The following ADRA1A variants were observed in gnomAD, a reference collection of about 807,000 sequenced individuals.
ADRA1A encodes adrenoceptor alpha 1A, also known as alpha-1A adrenergic receptor.
In ADRA1A, 31 loss-of-function variants were observed where a neutral mutation model predicts 29.6. The observed-to-expected ratio is 1.05, with a 90% CI of 0.79 to 1.41. The LOEUF is 1.41. Among genes scored for constraint, ADRA1A ranks in the 40% most tolerant of loss-of-function variants. ADRA1A has a pLI of 0.00. For missense variants in ADRA1A, 619 were observed against 601.1 expected (o/e 1.03, Z -0.31); for synonymous variants, 311 against 254.3 (o/e 1.22, Z -2.12).
intron 2 of ADRA1A, among the ~76,000 whole-genome samples, chr8:26,751,069 C>CAA (rs35234230): frequency 0.021 from 2,965 of 138,234 alleles, 59 homozygotes; most frequent in African/African-American, 0.038. Flanking sequence ...AACTCTGTCT[C>CAA]AAAAAAAAAA....
Position 26,864,828 on chromosome 8 carries a change from T to A in ADRA1A, c.142A>T (p.Ile48Phe), listed in dbSNP as rs186663065. 1 of 1,613,522 alleles carries A rather than the reference T, an allele frequency of 6.2e-7. No homozygotes were observed. The highest frequency in any genetic ancestry group is 8.5e-7 in the Non-Finnish European group (1 of 1,179,890). ...LFGVLGNILV[I>F]LSVACHRHLH... ...TGTCGGTGACAGGCTACGGAGAGGATCACTAGGATGTTACCCAGCACCCCG... is the reference window on the plus strand; with the variant it reads ...TGTCGGTGACAGGCTACGGAGAGGAACACTAGGATGTTACCCAGCACCCCG... The change falls in exon 2 of 3, where the codon ATC becomes TTC. Residue 48 changes from isoleucine (I) to phenylalanine (F), a missense_variant. Ile to Phe is a conservative substitution (Grantham distance 21). Coordinates refer to ENST00000380573, the MANE Select transcript of ADRA1A (RefSeq NM_000680.4). The surrounding 1 kb of genome is among the most constrained non-coding windows in gnomAD (Gnocchi z 8.1).
intron 2 of ADRA1A, among the ~76,000 whole-genome samples, chr8:26,790,616 A>T (rs7016881): frequency 0.093 from 14,108 of 152,178 alleles, 961 homozygotes; most frequent in East Asian, 0.33. Flanking sequence ...TGTTTCCAAC[A>T]CAAAGAAATG....
intron 2 of ADRA1A, among the ~76,000 whole-genome samples, chr8:26,812,349 G>A (rs940793866): frequency 1.3e-5 from 2 of 151,950 alleles, no homozygotes; most frequent in Non-Finnish European, 2.9e-5. Flanking sequence ...ATTTAATATC[G>A]AATAACTGAT....
intron 2 of ADRA1A, among the ~76,000 whole-genome samples, chr8:26,812,727 C>G (rs1001247288): frequency 6.6e-6 from 1 of 151,546 alleles, no homozygotes; most frequent in Non-Finnish European, 1.5e-5. Flanking sequence ...TGCAGTGGCG[C>G]GGTCTCGGCT....
chr8:26,843,389 T>C (rs905706820), intron 2 of ADRA1A, among the ~76,000 whole-genome samples: 2 of 152,212 alleles, frequency 1.3e-5, no homozygotes, highest in African/African-American at 4.8e-5. Flanking sequence ...CATCCCTCTA[T>C]TTCTCCTGGC....
downstream of ADRA1A, among the ~76,000 whole-genome samples, chr8:26,766,895 A>C (rs1805822219): frequency 6.6e-6 from 1 of 152,160 alleles, no homozygotes; most frequent in African/African-American, 2.4e-5. Context: ...TTACCCAAAC[A>C]CTACTGTCTA....
chr8:26,863,387 A>G (rs981305943), intron 2 of ADRA1A, among the ~76,000 whole-genome samples: 1 of 152,190 alleles, frequency 6.6e-6, no homozygotes, highest in Non-Finnish European at 1.5e-5. Flanking sequence ...AACTTCCCGG[A>G]TGATTTTGGA....
Position 26,757,512 on chromosome 8 carries a change from T to TCCCCCCCCCCC in ADRA1A, c.1270-734_1270-733insGGGGGGGGGGG, listed in dbSNP as rs1428337716. Among the ~76,000 whole-genome samples, 3 of 147,486 alleles carry TCCCCCCCCCCC rather than the reference T, an allele frequency of 2.0e-5. No homozygotes were observed. In the East Asian group the frequency reaches 6.6e-4, roughly 32 times the overall value. ...CAAGTCTGTCCCTTTTGCTTCCATTTCCCCCACCCCCCACCTCTGCTCCAT... is the reference window on the plus strand; with the variant it reads ...CAAGTCTGTCCCTTTTGCTTCCATTTCCCCCCCCCCCCCCCCACCCCCCACCTCTGCTCCAT... On this transcript the variant is annotated intron_variant, in intron 2 of 2. Transcript: ENST00000380582.
In ADRA1A at chr8:26,769,140, T is replaced by A. The variant is rs1262049893; in HGVS notation, c.*1009A>T. On this transcript the variant is annotated 3_prime_UTR_variant, in exon 3 of 3. Transcript: ENST00000380573. ...GCAGATAAGAAGTAATGGGAGACAA[T>A]CTTTTGCCTTTCAAAATATTATAAG... The A allele has an allele frequency of 1.0e-6, 1 of 985,324 alleles. No homozygotes were observed. Among genetic ancestry groups the A allele is most frequent in the Admixed American group, 6.1e-5 (1 of 16,264 alleles). The allele number at this position is 985,324 out of a possible 1,614,324, so 61.0% of individuals were successfully genotyped here.
Position 26,796,401 on chromosome 8 carries a change from T to C in ADRA1A, c.884-25735A>G, listed in dbSNP as rs1041854187. On this transcript the variant is annotated intron_variant, in intron 2 of 2. Coordinates refer to ENST00000380573, the MANE Select transcript of ADRA1A (RefSeq NM_000680.4). This position sits in a 1 kb window ranked among gnomAD's most constrained non-coding sequence, Gnocchi z 5.0. ...TCCAAGTTTTTTTAAATAGCTTTCATAAATAAGTTTGCTTTTTAATTCATC... is the reference window on the plus strand; with the variant it reads ...TCCAAGTTTTTTTAAATAGCTTTCACAAATAAGTTTGCTTTTTAATTCATC... 6.6e-6 allele frequency among the ~76,000 whole-genome samples: 1 copy of C among 152,204 alleles called. No homozygotes were observed. Among genetic ancestry groups the C allele is most frequent in the African/African-American group, 2.4e-5 (1 of 41,454 alleles).
At position 26,831,850 on chromosome 8, in the gene ADRA1A, G is replaced by A. The variant is rs540010251; in HGVS notation, c.883+32237C>T. Among the ~76,000 whole-genome samples, 3 of 152,258 alleles carry A rather than the reference G, an allele frequency of 2.0e-5. No individual in the cohort carries two copies. The highest frequency in any genetic ancestry group is 1.9e-4 in the East Asian group (1 of 5,158). The stretch of plus-strand genomic sequence containing the variant: ...GTCTCTGGGGCTGTCAGCAGCCACC[G>A]CCCCTGCGCTGTGGGCTCCCTGCCC... On this transcript the variant is annotated intron_variant, in intron 2 of 2. Transcript: ENST00000380573. The surrounding 1 kb of genome is among the most constrained non-coding windows in gnomAD (Gnocchi z 5.2).
chr8:26,810,726 G>A (rs1809323172), intron 2 of ADRA1A, among the ~76,000 whole-genome samples: 1 of 152,086 alleles, frequency 6.6e-6, no homozygotes, highest in South Asian at 2.1e-4. Flanking sequence ...ACCTCAGCAT[G>A]CCCACTCCCA....
At chr8:26,760,220 G>T (rs1292462147) in intron 2 of ADRA1A, among the ~76,000 whole-genome samples, 1 of 152,208 alleles carries the variant, frequency 6.6e-6, no homozygotes. Flanking sequence ...AGGGTCTTGG[G>T]TTGGGTGATT....
chr8:26,850,051 A>ACAAAAAACAAAAAACAAAAAAC (rs1300641583), intron 2 of ADRA1A, among the ~76,000 whole-genome samples: 73 of 151,428 alleles, frequency 4.8e-4, no homozygotes, highest in African/African-American at 1.7e-3. Flanking sequence ...AAAACAAAAA[A>ACAAAAAACAAAAAACAAAAAAC]AAAACAGGGC....
rs545851457 is a variant in ADRA1A at position 26,857,587 on chromosome 8, C to G, written c.883+6500G>C. ...TCAGAAGGCTGAGGTGGGAGAATCACTTGAGTTCGAGGCCGCAGTGAGCTA... is the reference window on the plus strand; with the variant it reads ...TCAGAAGGCTGAGGTGGGAGAATCAGTTGAGTTCGAGGCCGCAGTGAGCTA... On this transcript the variant is annotated intron_variant, in intron 2 of 2. Transcript: ENST00000380573. Among the ~76,000 whole-genome samples, 7 of 152,284 alleles carry G rather than the reference C, an allele frequency of 4.6e-5. 1 individual carries two copies. The highest frequency in any genetic ancestry group is 7.4e-5 in the Non-Finnish European group (5 of 68,026).
At chr8:26,802,207 C>T (rs1808633980) in intron 2 of ADRA1A, among the ~76,000 whole-genome samples, 1 of 151,110 alleles carries the variant, frequency 6.6e-6, no homozygotes, top group Non-Finnish European at 1.5e-5. Context: ...GCAACCAAAG[C>T]AAAAAAAACG....
At chr8:26,843,566 G>T (rs987650529) in intron 2 of ADRA1A, among the ~76,000 whole-genome samples, 1 of 152,070 alleles carries the variant, frequency 6.6e-6, no homozygotes, top group African/African-American at 2.4e-5. Flanking sequence ...GGCTCTATGA[G>T]GCAGTTAAAA....
chr8:26,761,391 A>G (rs977238848), downstream of ADRA1A, among the ~76,000 whole-genome samples: 3 of 152,200 alleles, frequency 2.0e-5, no homozygotes, highest in African/African-American at 4.8e-5. Context: ...ACAGATTCCT[A>G]TGTTGAAGTC....
chr8:26,757,157 A>G lies in ADRA1A; in HGVS notation c.1270-378T>C, dbSNP rs995736374. 3 of 700,680 alleles carry G rather than the reference A, an allele frequency of 4.3e-6. No homozygotes were observed. The African/African-American group carries it at 5.3e-5, about 12-fold the overall frequency. 43.4% of individuals were successfully genotyped at this position (700,680 alleles called of 1,614,324 possible). ...CATAGACTGTGTTTATATAAAGCAG[A>G]GTTGGGCCAAGAACCTCATCCCCGA... On this transcript the variant is annotated intron_variant, in intron 2 of 2. Transcript: ENST00000380582.
Sources: gnomAD v4.1 joint callset for allele counts (sites outside exome capture counted in the v4.1 genomes callset) on GRCh38, gnomAD v4.1.1 for gene constraint, Gnocchi (gnomAD v3.1) non-coding constraint, MANE v1.5 for transcripts, NCBI Gene and HGNC (gene_info 2026-07-23, HGNC 2026-07-21) for gene names.